Variants in ARHGAP10 observed in about 807,000 individuals in gnomAD.
ARHGAP10 encodes the protein Rho GTPase activating protein 10.
A neutral mutation model predicts 108.6 loss-of-function variants in ARHGAP10; 87 were observed. That is an observed-to-expected ratio of 0.80 (90% CI 0.67 to 0.96). The LOEUF (loss-of-function observed/expected upper bound fraction) is 0.96. ARHGAP10 is among the 40% of genes least tolerant of loss of function. The pLI is 0.00. For missense variants in ARHGAP10, 939 were observed against 954.5 expected (o/e 0.98, Z 0.21); for synonymous variants, 347 against 341.1 (o/e 1.02, Z -0.19).
At chr4:147,823,895 T>C (rs1485381687) in intron 3 of ARHGAP10, among the ~76,000 whole-genome samples, 1 of 152,254 alleles carries the variant, frequency 6.6e-6, no homozygotes, top group Non-Finnish European at 1.5e-5. Flanking sequence ...TTATTGAATA[T>C]TGTCTGCTTT....
chr4:147,865,925 C>T (rs1301977782), intron 6 of ARHGAP10: 2 of 152,014 alleles, frequency 1.3e-5, no homozygotes, highest in Admixed American at 6.6e-5. Context: ...AGTGTTGTAC[C>T]GAACTCATTA....
intron 13 of ARHGAP10, among the ~76,000 whole-genome samples, chr4:147,928,747 T>C (rs1185930795): frequency 6.6e-6 from 1 of 152,246 alleles, no homozygotes; most frequent in African/African-American, 2.4e-5. Context: ...AAAATGGGCT[T>C]ATAGATTAAA....
chr4:147,761,017 CTTTTTTT>C (rs11301771), intron 1 of ARHGAP10, among the ~76,000 whole-genome samples: 19 of 141,368 alleles, frequency 1.3e-4, no homozygotes, highest in African/African-American at 4.1e-4. Flanking sequence ...TTAGAGTTAA[CTTTTTTT>C]TTTTTTTTTT....
chr4:147,901,909 T>G (rs187247568), intron 10 of ARHGAP10, among the ~76,000 whole-genome samples: 1 of 152,072 alleles, frequency 6.6e-6, no homozygotes, highest in East Asian at 1.9e-4. Context: ...TGGAAAACTT[T>G]AGGGGAAAAC....
At chr4:147,976,505 T>G (rs1739601423) in intron 18 of ARHGAP10, among the ~76,000 whole-genome samples, 1 of 151,822 alleles carries the variant, frequency 6.6e-6, no homozygotes, top group African/African-American at 2.4e-5. Context: ...TTGACTTGTT[T>G]GGCATTGCTA....
intron 22 of ARHGAP10, chr4:148,065,314 A>G (rs1729813072): frequency 6.6e-6 from 1 of 152,226 alleles, no homozygotes; most frequent in Admixed American, 6.5e-5. Flanking sequence ...TGTGGAATGT[A>G]TCAACACGAG....
At chr4:147,835,199 G>A (rs925620283) in intron 3 of ARHGAP10, among the ~76,000 whole-genome samples, 1 of 152,126 alleles carries the variant, frequency 6.6e-6, no homozygotes, top group African/African-American at 2.4e-5. Context: ...GCTAGTGGCC[G>A]CCTGGTAGAG....
chr4:148,030,634 A>G (rs1304380944), intron 19 of ARHGAP10, among the ~76,000 whole-genome samples: 2 of 152,206 alleles, frequency 1.3e-5, no homozygotes, highest in African/African-American at 2.4e-5. Flanking sequence ...TGGCCAGTTC[A>G]TTTTTACTTA....
intron 13 of ARHGAP10, among the ~76,000 whole-genome samples, chr4:147,922,687 C>G (rs1341154804): frequency 1.4e-4 from 14 of 99,240 alleles, no homozygotes; most frequent in African/African-American, 4.2e-4. Context: ...GACTCCGTCT[C>G]AAAAAAAAAA....
intron 1 of ARHGAP10, among the ~76,000 whole-genome samples, chr4:147,791,105 T>A (rs1731101098): frequency 6.6e-6 from 1 of 151,426 alleles, no homozygotes; most frequent in East Asian, 1.9e-4. Flanking sequence ...ACTGTACATA[T>A]TCTTTACTTT....
At chr4:147,908,136 A>G (rs1257009056) in intron 11 of ARHGAP10, among the ~76,000 whole-genome samples, 1 of 151,948 alleles carries the variant, frequency 6.6e-6, no homozygotes, top group African/African-American at 2.4e-5. Context: ...GAGCCACCAC[A>G]CCCAGCCTTA....
At chr4:147,947,517 C>T (rs1738433303) in intron 15 of ARHGAP10, among the ~76,000 whole-genome samples, 1 of 151,862 alleles carries the variant, frequency 6.6e-6, no homozygotes, top group Non-Finnish European at 1.5e-5. Context: ...ATTCTCATGT[C>T]TCAGCCTCCT....
intron 3 of ARHGAP10, 126 bp downstream of exon 3, chr4:147,823,083 A>G: frequency 1.0e-6 from 1 of 993,660 alleles, no homozygotes; most frequent in Non-Finnish European, 1.5e-6. Flanking sequence ...ATTGTAATGG[A>G]AAGATGAGGT....
At chr4:148,035,711 A>G (rs1728349187) in intron 19 of ARHGAP10, among the ~76,000 whole-genome samples, 2 of 152,202 alleles carry the variant, frequency 1.3e-5, no homozygotes, top group Admixed American at 6.5e-5. Context: ...CGGCAGTTAT[A>G]ACCTGCATCT....
chr4:147,957,182 A>T (rs541215936), intron 16 of ARHGAP10, among the ~76,000 whole-genome samples: 1 of 152,270 alleles, frequency 6.6e-6, no homozygotes, highest in African/African-American at 2.4e-5. Flanking sequence ...ATTGGCATGG[A>T]TTTGCACCTA....
chr4:147,787,668 G>T (rs1730948531), intron 1 of ARHGAP10, among the ~76,000 whole-genome samples: 1 of 152,162 alleles, frequency 6.6e-6, no homozygotes, highest in Admixed American at 6.5e-5. Flanking sequence ...CTGCCTTCGT[G>T]CTTCCCTGGC....
intron 4 of ARHGAP10, among the ~76,000 whole-genome samples, chr4:147,852,990 A>T (rs1318977459): frequency 1.3e-5 from 2 of 152,164 alleles, no homozygotes; most frequent in Non-Finnish European, 2.9e-5. Flanking sequence ...AACACTTTTA[A>T]TATTAAATAT....
intron 1 of ARHGAP10, among the ~76,000 whole-genome samples, chr4:147,799,071 G>A (rs1731472674): frequency 6.6e-6 from 1 of 150,698 alleles, no homozygotes; most frequent in South Asian, 2.1e-4. Context: ...GTCTCACTCT[G>A]TCACCCAGGC....
intron 18 of ARHGAP10, among the ~76,000 whole-genome samples, chr4:148,003,954 G>A (rs78434180): frequency 0.033 from 5,004 of 151,100 alleles, 271 homozygotes; most frequent in African/African-American, 0.12. Context: ...ATTATGCTAA[G>A]AGACGTGAGA....
Sources: allele counts gnomAD v4.1 joint callset (sites outside exome capture counted in the v4.1 genomes callset), GRCh38; gene constraint gnomAD v4.1.1; transcripts MANE v1.5; gene names NCBI Gene and HGNC (gene_info 2026-07-23, HGNC 2026-07-21).